LAMA3: variants seen among roughly 807,000 people sequenced by gnomAD.
LAMA3 encodes laminin subunit alpha-3.
A neutral mutation model predicts 402.0 loss-of-function variants in LAMA3; 281 were observed. The observed-to-expected ratio is 0.70, with a 90% CI of 0.63 to 0.77. LAMA3 has a LOEUF of 0.77. LAMA3 is among the 30% of genes least tolerant of loss of function. The pLI is 0.00. For synonymous variants in LAMA3, 1,431 were observed against 1,558.4 expected, an observed-to-expected ratio of 0.92 and a Z score of 1.93; for missense variants, 3,840 against 4,215.5, an observed-to-expected ratio of 0.91 and a Z score of 2.47.
intron 70 of LAMA3, among the ~76,000 whole-genome samples, chr18:23,947,861 G>A (rs1283069921): frequency 2.0e-5 from 3 of 148,478 alleles, no homozygotes. Flanking sequence ...GCCCAGGCTG[G>A]AGTGCAGTGG....
intron 7 of LAMA3, 111 bp from the exon 8 acceptor site, chr18:23,763,294 G>A (rs558957198): frequency 2.6e-6 from 2 of 775,244 alleles, no homozygotes; most frequent in Non-Finnish European, 4.5e-6. Flanking sequence ...TGTCCTGGGT[G>A]TTCCAGAATA....
intron 12 of LAMA3, 123 bp downstream of exon 12, chr18:23,784,280 A>G: frequency 8.9e-7 from 1 of 1,123,884 alleles, no homozygotes; most frequent in Non-Finnish European, 1.3e-6. Flanking sequence ...CCCCTGGCTT[A>G]TATATGGATG....
At chr18:23,900,068 T>TGC (rs1285287873) in intron 47 of LAMA3, among the ~76,000 whole-genome samples, 1 of 50,394 alleles carries the variant, frequency 2.0e-5, no homozygotes, top group Non-Finnish European at 8.2e-5. Flanking sequence ...TGTGTGTGTG[T>TGC]GCGTGTGTGT....
intron 1 of LAMA3, among the ~76,000 whole-genome samples, chr18:23,698,331 C>T (rs528154088): frequency 2.0e-5 from 3 of 151,820 alleles, no homozygotes; most frequent in East Asian, 3.9e-4. Context: ...CTCAGCCTCC[C>T]GAGTAGCTGG....
At chr18:23,823,973 G>C (rs567059134) in intron 20 of LAMA3, among the ~76,000 whole-genome samples, 101 of 152,218 alleles carry the variant, frequency 6.6e-4, no homozygotes, top group Middle Eastern at 3.4e-3. Context: ...AGGAGTTTGA[G>C]GCTGTCATGA....
In LAMA3 at chr18:23,839,507, G is replaced by A. The variant is rs2063652978; in HGVS notation, c.3192-278G>A. ...GATCTCATTTTAACAATTAATTTTA[G>A]TTTTGGAAAGGGAAGTTTCCATAAG... On this transcript the variant is annotated intron_variant, in intron 26 of 74. Transcript: ENST00000313654. The surrounding 1 kb of genome is among the most constrained non-coding windows in gnomAD (Gnocchi z 4.5). Among the ~76,000 whole-genome samples, 1 of 152,176 alleles carries A rather than the reference G, an allele frequency of 6.6e-6. No individual in the cohort carries two copies. Among genetic ancestry groups the A allele is most frequent in the Non-Finnish European group, 1.5e-5 (1 of 68,016 alleles).
chr18:23,913,510 A>C (rs574922991), intron 56 of LAMA3, among the ~76,000 whole-genome samples: 19 of 152,316 alleles, frequency 1.2e-4, no homozygotes, highest in African/African-American at 4.6e-4. Context: ...CCTCCTTTTA[A>C]AATACATTTC....
Position 23,907,621 on chromosome 18 carries a change from A to G in LAMA3, c.6790A>G (p.Thr2264Ala). 1.9e-6 allele frequency: 3 copies of G among 1,614,028 alleles called. No homozygotes were observed. Among genetic ancestry groups the G allele is most frequent in the Non-Finnish European group, 1.7e-6 (2 of 1,179,870 alleles). ...IVTVQKEVID[T>A]NLTTLRDGLH... ...GACAGTTCAGAAAGAAGTGATAGAC[A>G]CCAATCTCACAACTCTCCGAGATGG... Residue 2264 changes from threonine (T) to alanine (A), a missense_variant, in exon 53 of 75, where the codon ACC becomes GCC. Around this residue, in one of 3 missense-constraint regions of LAMA3, gnomAD observed 891 missense variants for 857.5 expected, o/e 1.04. Coordinates refer to ENST00000313654, the MANE Select transcript of LAMA3 (RefSeq NM_198129.4).
intron 12 of LAMA3, among the ~76,000 whole-genome samples, chr18:23,808,312 A>G (rs1488555251): frequency 6.6e-6 from 1 of 152,182 alleles, no homozygotes; most frequent in African/African-American, 2.4e-5. Context: ...AATACATAAT[A>G]TAATGTAAAT....
At chr18:23,873,067 C>T (rs1389851824) in intron 38 of LAMA3, 1 of 1,614,070 alleles carries the variant, frequency 6.2e-7, no homozygotes, top group African/African-American at 1.3e-5. Context: ...GTGAGGCGGT[C>T]AGCCTGCAGC....
Position 23,952,957 on chromosome 18 carries a change from C to T in LAMA3, c.9737-33C>T, listed in dbSNP as rs147601333. On this transcript the variant is annotated intron_variant, in intron 73 of 74. Coordinates refer to ENST00000313654, the MANE Select transcript of LAMA3 (RefSeq NM_198129.4). ...GTAGACATTAAGCAGGGCTCACCTC[C>T]GATGATAGACCTAACCAGCCTCCTT... The T allele has an allele frequency of 1.5e-3, 2,360 of 1,613,310 alleles. 33 individuals are homozygous for T. In the African/African-American group the frequency reaches 0.028, roughly 19 times the overall value.
At chr18:23,887,417 A>G (rs2065108447) in intron 41 of LAMA3, among the ~76,000 whole-genome samples, 1 of 152,198 alleles carries the variant, frequency 6.6e-6, no homozygotes, top group Non-Finnish European at 1.5e-5. Context: ...CAAACAATGA[A>G]GCATTAAACA....
At chr18:23,752,655 G>A (rs1461860280) in intron 5 of LAMA3, among the ~76,000 whole-genome samples, 1 of 152,062 alleles carries the variant, frequency 6.6e-6, no homozygotes, top group Non-Finnish European at 1.5e-5. Flanking sequence ...AGAAAGCCCT[G>A]GTAATACTGA....
chr18:23,877,355 A>C (rs553065187), intron 39 of LAMA3, among the ~76,000 whole-genome samples: 1 of 152,356 alleles, frequency 6.6e-6, no homozygotes, highest in South Asian at 2.1e-4. Flanking sequence ...CCTGAAGCAG[A>C]ACCTTTTTTA....
Position 23,915,386 on chromosome 18 carries a change from T to C in LAMA3, c.7742T>C (p.Phe2581Ser). Residue 2581 changes from phenylalanine (F) to serine (S), a missense_variant, in exon 59 of 75, where the codon TTC becomes TCC. Phe to Ser is a radical substitution (Grantham distance 155). Coordinates refer to ENST00000313654, the MANE Select transcript of LAMA3 (RefSeq NM_198129.4). Reference sequence around the variant, plus strand: ...AGCTTGTACAACTTCAAAAAAACATTCAATCTCAACACAACTGAAGTGGAG... The same window carrying C: ...AGCTTGTACAACTTCAAAAAAACATCCAATCTCAACACAACTGAAGTGGAG... ...VLSLYNFKKT[F>S]NLNTTEVEPC... 1.9e-6 allele frequency: 3 copies of C among 1,613,866 alleles called. No homozygotes were observed. In the South Asian group the frequency reaches 3.3e-5, roughly 18 times the overall value.
chr18:23,786,699 G>A (rs1432104480), intron 12 of LAMA3, among the ~76,000 whole-genome samples: 1 of 152,194 alleles, frequency 6.6e-6, no homozygotes, highest in African/African-American at 2.4e-5. Flanking sequence ...AGACTTTAAA[G>A]CAGCTATTAT....
intron 23 of LAMA3, among the ~76,000 whole-genome samples, chr18:23,830,692 C>T (rs1014307344): frequency 2.6e-5 from 4 of 152,154 alleles, no homozygotes; most frequent in South Asian, 2.1e-4. Context: ...ATATCATTTG[C>T]AGGCTCATCC....
chr18:23,761,286 G>A (rs4239438), intron 7 of LAMA3, among the ~76,000 whole-genome samples: 119,795 of 152,108 alleles, frequency 0.79, 47,788 homozygotes, highest in African/African-American at 0.92. Flanking sequence ...ACAGCCCTTG[G>A]TGTCATAGAA....
chr18:23,882,026 C>T lies in LAMA3; in HGVS notation c.5203C>T (p.Pro1735Ser), dbSNP rs1438135261. 6 of 1,613,060 alleles carry T rather than the reference C, an allele frequency of 3.7e-6. No homozygotes were observed. The highest frequency in any genetic ancestry group is 1.7e-5 in the Admixed American group (1 of 59,978). The change falls in exon 40 of 75, where the codon CCA becomes TCA. Residue 1735 changes from proline to serine, a missense_variant. Physicochemically the swap from Pro to Ser is moderately conservative, Grantham distance 74. Transcript: ENST00000313654. The stretch of plus-strand genomic sequence containing the variant: ...CGTCCACGGATCCTGCAGGGCCTGC[C>T]CATGTCCTCACACTAACAGGTACCG... ...NAVHGSCRAC[P>S]CPHTNSFATG...
Sources: allele counts gnomAD v4.1 joint callset (sites outside exome capture counted in the v4.1 genomes callset), GRCh38; gene constraint gnomAD v4.1.1; regional missense constraint gnomAD v4.1.1; non-coding constraint Gnocchi (gnomAD v3.1); transcripts MANE v1.5; gene names NCBI Gene and HGNC (gene_info 2026-07-23, HGNC 2026-07-21).